The following PPIP5K2 variants were observed in gnomAD, a reference collection of about 807,000 sequenced individuals.
PPIP5K2 encodes the protein diphosphoinositol pentakisphosphate kinase 2, also known as inositol hexakisphosphate and diphosphoinositol-pentakisphosphate kinase 2.
Under a neutral mutation model 154.6 loss-of-function variants are expected in PPIP5K2, and 105 were observed. The observed-to-expected ratio is 0.68, with a 90% CI of 0.58 to 0.80. The LOEUF (loss-of-function observed/expected upper bound fraction) is 0.80, where lower values mean the gene tolerates loss of function less well. PPIP5K2 is among the 30% of genes least tolerant of loss of function. PPIP5K2 has a pLI of 0.00. For missense variants in PPIP5K2, 992 were observed against 1,504.6 expected (o/e 0.66, Z 5.64); for synonymous variants, 480 against 490.3 (o/e 0.98, Z 0.28).
At chr5:103,174,337 T>A (rs1798395178) in intron 21 of PPIP5K2, 2 of 163,972 alleles carry the variant, frequency 1.2e-5, no homozygotes, top group South Asian at 3.6e-4. Context: ...TATTATCTAC[T>A]ATTACGTAAT....
intron 30 of PPIP5K2, among the ~76,000 whole-genome samples, chr5:103,197,318 T>C (rs1802241511): frequency 6.6e-6 from 1 of 152,088 alleles, no homozygotes; most frequent in African/African-American, 2.4e-5. Context: ...TTATGTTTCC[T>C]TTTTGTGATA....
At chr5:103,132,513 TC>T (rs1379592350) in intron 2 of PPIP5K2, among the ~76,000 whole-genome samples, 4 of 152,016 alleles carry the variant, frequency 2.6e-5, no homozygotes, top group Non-Finnish European at 5.9e-5. Context: ...GCCACTGCAC[TC>T]CAGCCTGGGC....
chr5:103,153,041 T>C (rs575870909), intron 10 of PPIP5K2, among the ~76,000 whole-genome samples: 17 of 152,042 alleles, frequency 1.1e-4, no homozygotes, highest in Non-Finnish European at 2.2e-4. Context: ...TTACAACTTT[T>C]GCTCTCTCAA....
At chr5:103,192,308 G>A (rs199832512) in intron 29 of PPIP5K2, among the ~76,000 whole-genome samples, 2 of 152,008 alleles carry the variant, frequency 1.3e-5, no homozygotes, top group African/African-American at 4.8e-5. Flanking sequence ...AGTGGTAAAC[G>A]TCAGAGACAG....
rs191361113 is a variant in PPIP5K2, at chr5:103,186,446, G to A, written c.3289+7G>A. The A allele has an allele frequency of 6.2e-6, 10 of 1,613,602 alleles. No individual in the cohort carries two copies. The highest frequency in any genetic ancestry group is 8.5e-6 in the Non-Finnish European group (10 of 1,179,714). On this transcript the variant is annotated splice_region_variant and intron_variant, in intron 27 of 30. Coordinates refer to ENST00000358359, the MANE Select transcript of PPIP5K2 (RefSeq NM_001276277.3). ...TCTTCTGGCTGCATAGATGGTATGT[G>A]CACACATGCACACACAGATTCATAC...
rs539225000 is a variant in PPIP5K2, at chr5:103,177,027, G to GA, written c.2530-634dup. 172 of 652,054 alleles carry GA rather than the reference G, an allele frequency of 2.6e-4. 1 individual carries two copies. In the South Asian group the frequency reaches 5.6e-3, roughly 21 times the overall value. The allele number at this position is 652,054 out of a possible 1,614,324, so 40.4% of individuals were successfully genotyped here. ...GCATACATGAACTATATGATGGTGG[G>GA]AAAAAATGGCATTCCTGTTATAGGA... On this transcript the variant is annotated intron_variant, in intron 21 of 30. Coordinates refer to ENST00000358359, the MANE Select transcript of PPIP5K2 (RefSeq NM_001276277.3).
chr5:103,128,843 A>C (rs186609905), intron 1 of PPIP5K2, among the ~76,000 whole-genome samples: 1 of 152,286 alleles, frequency 6.6e-6, no homozygotes, highest in South Asian at 2.1e-4. Context: ...CCCTAAAAAA[A>C]CTGTTTACAG....
chr5:103,129,402 G>A lies in PPIP5K2; in HGVS notation c.-188G>A. On this transcript the variant is annotated 5_prime_UTR_variant, in exon 2 of 31. An upstream start codon of the reference 5' UTR is lost. Transcript: ENST00000358359. Reference sequence around the variant, plus strand: ...ACTTTGATATCAACAATGAAGCAATGATATCTAAGAACAAAAGAGTATTTG... The same window carrying A: ...ACTTTGATATCAACAATGAAGCAATAATATCTAAGAACAAAAGAGTATTTG... The A allele has an allele frequency of 2.6e-6, 1 of 385,220 alleles. No homozygotes were observed. Among genetic ancestry groups the A allele is most frequent in the South Asian group, 6.8e-5 (1 of 14,618 alleles). The allele number at this position is 385,220 out of a possible 1,614,324, so 23.9% of individuals were successfully genotyped here.
chr5:103,151,096 ATAAG>A (rs1269389239), intron 8 of PPIP5K2, among the ~76,000 whole-genome samples, 153 bp from the exon 9 acceptor site: 1 of 152,040 alleles, frequency 6.6e-6, no homozygotes, highest in African/African-American at 2.4e-5. Context: ...CAAGTTATAA[ATAAG>A]TAATTTCTTT....
chr5:103,208,090 C>CT lies in PPIP5K2; in HGVS notation c.*6461dup, dbSNP rs1803613796. ...GTTAGGTAGGTTGGCTTTTCTTTTT[C>CT]TTTTTCTTTTTTTTTTTGAGATGGA... is the stretch of plus-strand genomic sequence containing the variant. On this transcript the variant is annotated 3_prime_UTR_variant, in exon 31 of 31. Coordinates refer to ENST00000358359, the MANE Select transcript of PPIP5K2 (RefSeq NM_001276277.3). 1 of 138,514 alleles carries CT rather than the reference C, an allele frequency of 7.2e-6. No individual in the cohort carries two copies. The highest frequency in any genetic ancestry group is 1.6e-5 in the Non-Finnish European group (1 of 61,554). 8.6% of individuals were successfully genotyped at this position (138,514 alleles called of 1,614,324 possible).
At position 103,152,769 on chromosome 5, in the gene PPIP5K2, A is replaced by G. The variant is rs782409619; in HGVS notation, c.1130+20A>G. On this transcript the variant is annotated intron_variant, in intron 10 of 30. Transcript: ENST00000358359. ...AACTATGTAAGTCTGAATTATTTTC[A>G]TTTAGAAATTGAGTTTTCCTTGCCA... 10 of 1,477,990 alleles carry G rather than the reference A, an allele frequency of 6.8e-6. No homozygotes were observed. Among genetic ancestry groups the G allele is most frequent in the Non-Finnish European group, 9.4e-6 (10 of 1,068,108 alleles). 91.6% of individuals were successfully genotyped at this position (1,477,990 alleles called of 1,614,324 possible).
intron 24 of PPIP5K2, 90 bp from the exon 25 acceptor site, chr5:103,183,144 T>C (rs961179579): frequency 9.2e-7 from 1 of 1,088,926 alleles, no homozygotes; most frequent in Non-Finnish European, 1.2e-6. Flanking sequence ...TCTGATCATT[T>C]GGCTCTGTTG....
At chr5:103,166,837 T>A (rs1289953376) in intron 17 of PPIP5K2, among the ~76,000 whole-genome samples, 8 of 151,868 alleles carry the variant, frequency 5.3e-5, no homozygotes, top group Non-Finnish European at 1.2e-4. Flanking sequence ...AAATAGATCA[T>A]CTTAGAGGTC....
Position 103,183,343 on chromosome 5 carries a change from C to G in PPIP5K2, c.3032C>G (p.Thr1011Ser). 1 of 1,610,728 alleles carries G rather than the reference C, an allele frequency of 6.2e-7. No homozygotes were observed. The highest frequency in any genetic ancestry group is 1.3e-5 in the African/African-American group (1 of 74,586). ...RRRRRSGEQI[T>S]SSPVSPKSLA... ...AGACGCAGATCAGGGGAACAAATCA[C>G]TTCTTCCCCTGTCTCCCCCAAATCA... Residue 1011 changes from threonine (T) to serine (S), a missense_variant, in exon 25 of 31, where the codon ACT becomes AGT. Physicochemically the swap from Thr to Ser is moderately conservative, Grantham distance 58. Coordinates refer to ENST00000358359, the MANE Select transcript of PPIP5K2 (RefSeq NM_001276277.3).
At position 103,210,703 on chromosome 5, in the gene PPIP5K2, G is replaced by T. The variant is rs1462911961; in HGVS notation, c.*9069G>T. ...GTACTGATTCCCATTATCATGCTCT[G>T]TTGTTCCCTGGATGCTCTTTTGAGG... On this transcript the variant is annotated 3_prime_UTR_variant, in exon 31 of 31. Coordinates refer to ENST00000358359, the MANE Select transcript of PPIP5K2 (RefSeq NM_001276277.3). 2 of 152,012 alleles carry T rather than the reference G, an allele frequency of 1.3e-5. No homozygotes were observed. Among genetic ancestry groups the T allele is most frequent in the Non-Finnish European group, 2.9e-5 (2 of 67,958 alleles). 9.4% of individuals were successfully genotyped at this position (152,012 alleles called of 1,614,324 possible).
intron 5 of PPIP5K2, among the ~76,000 whole-genome samples, chr5:103,139,839 T>C (rs1792248733): frequency 6.6e-6 from 1 of 152,088 alleles, no homozygotes; most frequent in Non-Finnish European, 1.5e-5. Flanking sequence ...ATTGAAATAA[T>C]TCAAAACAAG....
In PPIP5K2 at chr5:103,173,138, A is replaced by G. The variant is rs782797736; in HGVS notation, c.2287-17A>G. The G allele has an allele frequency of 1.0e-5, 16 of 1,570,740 alleles. No homozygotes were observed. In the East Asian group the frequency reaches 1.1e-4, roughly 11 times the overall value. ...GTCATTATATCCTTTTTCTAATGTC[A>G]TGTATTTTTTGCTCAGGAATATGGT... is the stretch of plus-strand genomic sequence containing the variant. On this transcript the variant is annotated splice_polypyrimidine_tract_variant and intron_variant, in intron 19 of 30. Transcript: ENST00000358359.
At chr5:103,133,118 GTTA>G (rs1348255355) in intron 2 of PPIP5K2, among the ~76,000 whole-genome samples, 45 of 152,268 alleles carry the variant, frequency 3.0e-4, no homozygotes, top group Middle Eastern at 6.8e-3. Context: ...GGTTTTGACT[GTTA>G]TTATACTTTA....
intron 1 of PPIP5K2, among the ~76,000 whole-genome samples, chr5:103,123,809 T>A (rs564896986): frequency 6.6e-6 from 1 of 152,230 alleles, no homozygotes; most frequent in South Asian, 2.1e-4. Flanking sequence ...TTGAATAATG[T>A]ATGTATCTTT....
Sources: gnomAD v4.1 joint callset for allele counts (sites outside exome capture counted in the v4.1 genomes callset) on GRCh38, gnomAD v4.1.1 for gene constraint, MANE v1.5 for transcripts, NCBI Gene and HGNC (gene_info 2026-07-23, HGNC 2026-07-21) for gene names.